SHC4: variants seen among roughly 807,000 people sequenced by gnomAD.
SHC4 encodes the protein SHC-transforming protein 4.
In SHC4, 41 loss-of-function variants were observed where a neutral mutation model predicts 69.4. That is an observed-to-expected ratio of 0.59 (90% CI 0.46 to 0.77). The LOEUF is 0.77. SHC4 is among the 30% of genes least tolerant of loss of function. The pLI is 0.00. For synonymous variants in SHC4, 318 were observed against 299.3 expected, an observed-to-expected ratio of 1.06 and a Z score of -0.64; for missense variants, 777 against 783.8, an observed-to-expected ratio of 0.99 and a Z score of 0.10.
At chr15:48,843,875 C>T (rs1244887312) in intron 9 of SHC4, among the ~76,000 whole-genome samples, 1 of 149,752 alleles carries the variant, frequency 6.7e-6, no homozygotes, top group Non-Finnish European at 1.5e-5. Context: ...AGAGGACTGA[C>T]CAGCCGTGGA....
chr15:48,852,954 TA>T (rs1383043754), intron 8 of SHC4, among the ~76,000 whole-genome samples: 1 of 145,968 alleles, frequency 6.9e-6, no homozygotes, highest in East Asian at 2.0e-4. Flanking sequence ...AAAATAAAAA[TA>T]AAAAATAAAA....
chr15:48,911,430 C>T (rs374069137), intron 2 of SHC4, among the ~76,000 whole-genome samples: 17 of 152,222 alleles, frequency 1.1e-4, no homozygotes, highest in Admixed American at 7.9e-4. Flanking sequence ...TTTTTTCCTA[C>T]CCTACTCGTT....
At chr15:48,924,766 G>A (rs901231255) in intron 2 of SHC4, 113 bp downstream of exon 2, 21 of 1,078,348 alleles carry the variant, frequency 1.9e-5, no homozygotes, top group African/African-American at 1.4e-4. Flanking sequence ...CACTCCAGTC[G>A]CGTGAATAAA....
chr15:48,850,538 C>T (rs1444437385), intron 9 of SHC4, among the ~76,000 whole-genome samples: 1 of 152,134 alleles, frequency 6.6e-6, no homozygotes, highest in African/African-American at 2.4e-5. Flanking sequence ...TCTAAAACTG[C>T]AAAACTTTCC....
intron 9 of SHC4, among the ~76,000 whole-genome samples, chr15:48,845,967 A>C (rs1458212486): frequency 2.0e-5 from 3 of 152,166 alleles, no homozygotes; most frequent in African/African-American, 7.2e-5. Context: ...CTGAAAGTGA[A>C]ATATAATCAA....
intron 1 of SHC4, among the ~76,000 whole-genome samples, chr15:48,931,494 A>G (rs909899467): frequency 7.2e-5 from 11 of 152,214 alleles, no homozygotes; most frequent in Non-Finnish European, 1.5e-5. Context: ...TACATAAACC[A>G]GAAAAGTCAA....
intron 11 of SHC4, among the ~76,000 whole-genome samples, chr15:48,828,351 T>C (rs1898729713): frequency 6.6e-6 from 1 of 152,208 alleles, no homozygotes; most frequent in Non-Finnish European, 1.5e-5. Context: ...TCTATGGTTG[T>C]TCTATGGTGT....
At chr15:48,851,116 A>C in intron 9 of SHC4, 72 bp downstream of exon 9, 2 of 1,460,750 alleles carry the variant, frequency 1.4e-6, no homozygotes, top group South Asian at 2.4e-5. Context: ...ATTTAAGAGC[A>C]AGGGCCACAT....
At chr15:48,845,662 T>G (rs1899075667) in intron 9 of SHC4, among the ~76,000 whole-genome samples, 1 of 152,192 alleles carries the variant, frequency 6.6e-6, no homozygotes, top group Non-Finnish European at 1.5e-5. Context: ...GATCAGAGCT[T>G]TGGCCCCTCA....
At chr15:48,958,271 C>T (rs1252182935) in intron 1 of SHC4, among the ~76,000 whole-genome samples, 1 of 152,218 alleles carries the variant, frequency 6.6e-6, no homozygotes, top group Non-Finnish European at 1.5e-5. Context: ...CTCTCATCTA[C>T]GCTACTCCAT....
intron 4 of SHC4, among the ~76,000 whole-genome samples, chr15:48,873,392 A>C (rs1595740161): frequency 6.6e-6 from 1 of 152,214 alleles, no homozygotes; most frequent in African/African-American, 2.4e-5. Context: ...GTACTTGTCT[A>C]CATTTATATT....
At chr15:48,908,690 G>A (rs148709212) in intron 2 of SHC4, among the ~76,000 whole-genome samples, 1,597 of 152,198 alleles carry the variant, frequency 0.01, 34 homozygotes, top group African/African-American at 0.037. Context: ...TCAGGTCTTA[G>A]GTTTAAATCC....
intron 1 of SHC4, among the ~76,000 whole-genome samples, chr15:48,961,922 C>T (rs1285168792): frequency 3.9e-5 from 6 of 152,138 alleles, no homozygotes; most frequent in African/African-American, 9.7e-5. Context: ...GAGACTCGGA[C>T]GTGTTTTGAG....
chr15:48,962,840 G>A lies in SHC4; in HGVS notation c.176C>T (p.Pro59Leu). The A allele has an allele frequency of 6.2e-7, 1 of 1,612,882 alleles. No homozygotes were observed. Among genetic ancestry groups the A allele is most frequent in the Non-Finnish European group, 8.5e-7 (1 of 1,180,000 alleles). The change falls in exon 1 of 12, where the codon CCC (proline) becomes CTC (leucine). Residue 59 changes from proline to leucine, a missense_variant. Pro to Leu is a moderately conservative substitution (Grantham distance 98). Transcript: ENST00000332408. The part of the protein sequence containing the change: ...SVGNKGSPQP[P>L]HPALAPHLPT... ...CAGGTGAGGTGCCAGGGCGGGGTGG[G>A]GAGGCTGCGGCGAGCCCTTGTTCCC...
At chr15:48,899,505 A>T (rs1424502407) in intron 2 of SHC4, among the ~76,000 whole-genome samples, 1 of 152,144 alleles carries the variant, frequency 6.6e-6, no homozygotes, top group East Asian at 1.9e-4. Context: ...ACAAACAGTA[A>T]AACAGTTTGT....
At chr15:48,852,208 T>C (rs1899226928) in intron 8 of SHC4, among the ~76,000 whole-genome samples, 1 of 152,142 alleles carries the variant, frequency 6.6e-6, no homozygotes, top group Non-Finnish European at 1.5e-5. Context: ...TGTACACAAG[T>C]GGCCTGCCAG....
intron 2 of SHC4, among the ~76,000 whole-genome samples, chr15:48,909,130 G>C (rs951161894): frequency 1.3e-5 from 2 of 152,092 alleles, no homozygotes; most frequent in African/African-American, 4.8e-5. Context: ...TTTGTAGATT[G>C]CTTTTGGCAG....
intron 2 of SHC4, among the ~76,000 whole-genome samples, chr15:48,919,561 C>A (rs1394024416): frequency 6.6e-6 from 1 of 151,410 alleles, no homozygotes; most frequent in Non-Finnish European, 1.5e-5. Flanking sequence ...AGTGCTGGGA[C>A]TACAGGTGTG....
intron 1 of SHC4, chr15:48,946,549 C>T (rs772023566): frequency 1.2e-5 from 12 of 977,824 alleles, no homozygotes; most frequent in Non-Finnish European, 1.5e-5. Context: ...GTTGTAAAAT[C>T]GGATTCTTAC....
Sources: allele counts gnomAD v4.1 joint callset (sites outside exome capture counted in the v4.1 genomes callset), GRCh38; gene constraint gnomAD v4.1.1; transcripts MANE v1.5; gene names NCBI Gene and HGNC (gene_info 2026-07-23, HGNC 2026-07-21).